The following PTPRG variants were observed in gnomAD, a reference collection of about 807,000 sequenced individuals.
The protein encoded by PTPRG is protein tyrosine phosphatase receptor type G.
PTPRG carries 102 observed loss-of-function variants against 165.3 expected under a neutral mutation model. That is an observed-to-expected ratio of 0.62 (90% CI 0.53 to 0.73). The LOEUF is 0.73. Ranked by LOEUF, PTPRG falls within the 30% of genes least tolerant of loss-of-function variation. The pLI is 0.00. For synonymous variants in PTPRG, 675 were observed against 669.5 expected, an observed-to-expected ratio of 1.01 and a Z score of -0.13; for missense variants, 1,866 against 1,861.4, an observed-to-expected ratio of 1.00 and a Z score of -0.05.
chr3:61,634,118 A>C (rs1309930840), intron 1 of PTPRG, among the ~76,000 whole-genome samples: 1 of 151,274 alleles, frequency 6.6e-6, no homozygotes, highest in African/African-American at 2.4e-5. Flanking sequence ...GTTTCGCCAT[A>C]TTGGCCAGGC....
intron 2 of PTPRG, among the ~76,000 whole-genome samples, chr3:61,956,750 A>G (rs1291541683): frequency 6.6e-6 from 1 of 152,222 alleles, no homozygotes; most frequent in African/African-American, 2.4e-5. Context: ...ATGATCAAGT[A>G]CAATTACATA....
chr3:61,700,148 C>T (rs115395314), intron 1 of PTPRG, among the ~76,000 whole-genome samples: 143 of 152,164 alleles, frequency 9.4e-4, no homozygotes, highest in African/African-American at 3.3e-3. Context: ...CTTCTCTGTA[C>T]CCCCTAAGGA....
intron 2 of PTPRG, among the ~76,000 whole-genome samples, chr3:61,988,171 G>C (rs1366050726): frequency 6.6e-6 from 1 of 152,090 alleles, no homozygotes; most frequent in African/African-American, 2.4e-5. Context: ...TTACTCTTTG[G>C]GATGAGGATT....
chr3:61,761,095 T>C (rs527693370), intron 2 of PTPRG, among the ~76,000 whole-genome samples: 1 of 152,374 alleles, frequency 6.6e-6, no homozygotes, highest in South Asian at 2.1e-4. Context: ...GAATGATTTA[T>C]ATTCCTTTGG....
chr3:61,942,634 G>C (rs1201984423), intron 2 of PTPRG, among the ~76,000 whole-genome samples: 2 of 152,178 alleles, frequency 1.3e-5, no homozygotes, highest in Non-Finnish European at 2.9e-5. Context: ...AAGAAACTGA[G>C]ACTCAGAGAG....
At chr3:62,286,019 T>C (rs1410135999) in intron 28 of PTPRG, among the ~76,000 whole-genome samples, 1 of 152,228 alleles carries the variant, frequency 6.6e-6, no homozygotes, top group African/African-American at 2.4e-5. Flanking sequence ...ACATCACTTT[T>C]AGGGCTAATC....
At chr3:62,009,927 C>T (rs4688669) in intron 4 of PTPRG, among the ~76,000 whole-genome samples, 133,895 of 152,190 alleles carry the variant, frequency 0.88, 59,192 homozygotes, top group East Asian at 1. Context: ...TATTTGTATG[C>T]ATGTATGAAT....
intron 2 of PTPRG, among the ~76,000 whole-genome samples, chr3:61,813,499 G>C (rs2035653714): frequency 7.0e-6 from 1 of 143,012 alleles, no homozygotes; most frequent in African/African-American, 2.6e-5. Context: ...CTGGGTGACA[G>C]AATGAGACTC....
intron 10 of PTPRG, among the ~76,000 whole-genome samples, chr3:62,198,120 T>C (rs185271323): frequency 1.3e-5 from 2 of 152,332 alleles, no homozygotes; most frequent in East Asian, 1.9e-4. Context: ...GTATGTAACA[T>C]TGCAATAAAT....
chr3:61,568,154 T>TA (rs1699965440), intron 1 of PTPRG, among the ~76,000 whole-genome samples: 1 of 152,184 alleles, frequency 6.6e-6, no homozygotes, highest in South Asian at 2.1e-4. Flanking sequence ...TGTGGAGTTG[T>TA]AACCAACAAA....
intron 6 of PTPRG, among the ~76,000 whole-genome samples, chr3:62,136,687 A>G (rs574069201): frequency 2.6e-5 from 4 of 152,334 alleles, no homozygotes; most frequent in African/African-American, 9.6e-5. Context: ...GTGATAGTGA[A>G]TAAGTCTCAC....
intron 1 of PTPRG, among the ~76,000 whole-genome samples, chr3:61,748,043 G>A (rs1344957920): frequency 6.6e-6 from 1 of 152,144 alleles, no homozygotes; most frequent in Non-Finnish European, 1.5e-5. Context: ...CTCCATAATG[G>A]GTGAGAGTAG....
Position 62,267,754 on chromosome 3 carries a change from A to G in PTPRG, c.2809A>G (p.Arg937Gly), listed in dbSNP as rs775266617. ...PLKSTFEDFW[R>G]MIWEQNTGII... ...GAAGTCTACATTTGAAGATTTCTGG[A>G]GGATGATTTGGGAACAAAACACTGG... The change falls in exon 19 of 30, where the codon AGG becomes GGG. Residue 937 changes from arginine (R) to glycine (G), a missense_variant. By Grantham distance (125) the Arg-to-Gly change is moderately radical (BLOSUM62 -2). Transcript: ENST00000474889. 4.3e-6 allele frequency: 7 copies of G among 1,613,574 alleles called. No homozygotes were observed. In the South Asian group the frequency reaches 4.4e-5, roughly 10 times the overall value.
chr3:61,679,653 C>A (rs545547310), intron 1 of PTPRG, among the ~76,000 whole-genome samples: 97 of 152,098 alleles, frequency 6.4e-4, no homozygotes, highest in African/African-American at 2.2e-3. Flanking sequence ...TGGTGGTGCA[C>A]GCCTGTAATC....
At chr3:61,800,620 G>A (rs1359013603) in intron 2 of PTPRG, among the ~76,000 whole-genome samples, 1 of 151,772 alleles carries the variant, frequency 6.6e-6, no homozygotes, top group Non-Finnish European at 1.5e-5. Context: ...GGAGAAAGAA[G>A]GGTGTTCCGT....
chr3:61,906,882 G>A (rs942156209), intron 2 of PTPRG, among the ~76,000 whole-genome samples: 14 of 151,804 alleles, frequency 9.2e-5, no homozygotes, highest in Non-Finnish European at 1.2e-4. Context: ...TTTTTAAAAC[G>A]CTGTCTGACT....
chr3:61,645,671 T>C (rs990180743), intron 1 of PTPRG, among the ~76,000 whole-genome samples: 3 of 152,244 alleles, frequency 2.0e-5, no homozygotes, highest in Non-Finnish European at 4.4e-5. Context: ...TGATAGTAGA[T>C]GCTTTAGATC....
At chr3:61,590,049 T>G (rs528385881) in intron 1 of PTPRG, among the ~76,000 whole-genome samples, 18 of 152,082 alleles carry the variant, frequency 1.2e-4, no homozygotes, top group African/African-American at 3.6e-4. Context: ...AAGTGGTGAC[T>G]CAGGATGACA....
At chr3:61,960,719 GA>G (rs1256757553) in intron 2 of PTPRG, among the ~76,000 whole-genome samples, 17 of 152,150 alleles carry the variant, frequency 1.1e-4, no homozygotes, top group Non-Finnish European at 1.8e-4. Context: ...CAGAAGACAA[GA>G]TGGTTTTAGG....
Sources: allele counts gnomAD v4.1 joint callset (sites outside exome capture counted in the v4.1 genomes callset), GRCh38; gene constraint gnomAD v4.1.1; transcripts MANE v1.5; gene names NCBI Gene and HGNC (gene_info 2026-07-23, HGNC 2026-07-21).